The following ANKMY1 variants were observed in gnomAD, a reference collection of about 807,000 sequenced individuals.
ANKMY1 encodes ankyrin repeat and MYND domain containing 1.
In ANKMY1, 98 loss-of-function variants were observed where a neutral mutation model predicts 102.0. That is an observed-to-expected ratio of 0.96 (90% confidence interval 0.82 to 1.14). The LOEUF is 1.14. Among genes scored for constraint, ANKMY1 ranks in the 50% most tolerant of loss-of-function variants. The pLI is 0.00. For synonymous variants in ANKMY1, 582 were observed against 559.9 expected, an observed-to-expected ratio of 1.04 and a Z score of -0.56; for missense variants, 1,330 against 1,347.6, an observed-to-expected ratio of 0.99 and a Z score of 0.20.
At chr2:240,505,541 C>T (rs2078931625) in intron 13 of ANKMY1, among the ~76,000 whole-genome samples, 1 of 151,928 alleles carries the variant, frequency 6.6e-6, no homozygotes, top group South Asian at 2.1e-4. Flanking sequence ...CCCAGAAGAA[C>T]TGAAAGCAGG....
intron 10 of ANKMY1, among the ~76,000 whole-genome samples, 178 bp downstream of exon 10, chr2:240,512,624 G>A (rs1172332294): frequency 6.6e-6 from 1 of 152,208 alleles, no homozygotes; most frequent in African/African-American, 2.4e-5. Flanking sequence ...ATCAAAACAA[G>A]CCCACTGGCT....
At chr2:240,509,249 A>G in intron 12 of ANKMY1, 99 bp downstream of exon 12, 7 of 1,013,398 alleles carry the variant, frequency 6.9e-6, no homozygotes, top group Non-Finnish European at 1.0e-5. Context: ...GGATGGATAA[A>G]TGGCCAACAA....
At chr2:240,531,001 A>G (rs979231069) in intron 4 of ANKMY1, among the ~76,000 whole-genome samples, 1 of 152,226 alleles carries the variant, frequency 6.6e-6, no homozygotes, top group African/African-American at 2.4e-5. Flanking sequence ...TACTGGGATA[A>G]AATATTTATA....
At position 240,507,642 on chromosome 2, in the gene ANKMY1, G is replaced by T; in HGVS notation, c.2444C>A (p.Thr815Asn). 1 of 1,611,700 alleles carries T rather than the reference G, an allele frequency of 6.2e-7. No individual in the cohort carries two copies. Among genetic ancestry groups the T allele is most frequent in the Non-Finnish European group, 8.5e-7 (1 of 1,178,828 alleles). The change falls in exon 13 of 18, where the codon ACC (threonine) becomes AAC (asparagine). Residue 815 changes from threonine (T) to asparagine (N), a missense_variant. By Grantham distance (65) the Thr-to-Asn change is moderately conservative. Transcript: ENST00000401804. ...ACACAGGGCACTGCCCAAGCCTTTG[G>T]TCAGGGGCAGGTTGGGGTCAGCTCC... ...TQGADPNLPL[T>N]KGLGSALCVA...
intron 5 of ANKMY1, among the ~76,000 whole-genome samples, chr2:240,528,673 G>A (rs1474041538): frequency 6.6e-6 from 1 of 152,018 alleles, no homozygotes; most frequent in Non-Finnish European, 1.5e-5. Flanking sequence ...GGGCTCAGGA[G>A]ATTCTCCCCA....
chr2:240,506,909 C>A lies in ANKMY1; in HGVS notation c.2526+651G>T, dbSNP rs188382328. ...CTCAGGACAGAAGGTGTCTCCAGCGCGGGCAGGATTTCCCGACTGTGAGCT... is the reference window on the plus strand; with the variant it reads ...CTCAGGACAGAAGGTGTCTCCAGCGAGGGCAGGATTTCCCGACTGTGAGCT... On this transcript the variant is annotated intron_variant, in intron 13 of 17. Coordinates refer to ENST00000401804, the MANE Select transcript of ANKMY1 (RefSeq NM_001282771.3). The surrounding 1 kb of genome is among the most constrained non-coding windows in gnomAD (Gnocchi z 4.9). 1.1e-3 allele frequency among the ~76,000 whole-genome samples: 167 copies of A among 152,202 alleles called. 2 individuals are homozygous for A. Among genetic ancestry groups the A allele is most frequent in the African/African-American group, 2.6e-3 (106 of 41,526 alleles).
intron 15 of ANKMY1, among the ~76,000 whole-genome samples, chr2:240,495,118 G>C (rs541102126): frequency 6.6e-6 from 1 of 152,150 alleles, no homozygotes; most frequent in South Asian, 2.1e-4. Flanking sequence ...CCCGGACAGG[G>C]CCACCAGAGG....
At chr2:240,544,912 G>C (rs989935660) in intron 4 of ANKMY1, among the ~76,000 whole-genome samples, 5 of 152,210 alleles carry the variant, frequency 3.3e-5, no homozygotes, top group Non-Finnish European at 1.5e-5. Flanking sequence ...CAAACTGCAA[G>C]GCGGCAGCGA....
chr2:240,515,341 C>A (rs762211160), intron 9 of ANKMY1, among the ~76,000 whole-genome samples: 1 of 152,110 alleles, frequency 6.6e-6, no homozygotes, highest in African/African-American at 2.4e-5. Context: ...TCAAGACCAG[C>A]CTGGCCAACA....
At position 240,528,501 on chromosome 2, in the gene ANKMY1, A is replaced by T. The variant is rs114611087; in HGVS notation, c.953+536T>A. On this transcript the variant is annotated intron_variant, in intron 5 of 17. Coordinates refer to ENST00000401804, the MANE Select transcript of ANKMY1 (RefSeq NM_001282771.3). ...GCTCTCATGCAGATCCCTTACCACC[A>T]TATAACAGTAACAACAAACCCTGCT... Among the ~76,000 whole-genome samples the T allele has an allele frequency of 9.0e-3, 1,376 of 152,100 alleles. 10 individuals carry two copies. Among genetic ancestry groups the T allele is most frequent in the African/African-American group, 0.032 (1,310 of 41,498 alleles).
the ANKMY1 span, among the ~76,000 whole-genome samples, chr2:240,471,949 C>A: frequency 2.6e-5 from 4 of 152,160 alleles, no homozygotes; most frequent in African/African-American, 9.7e-5. Context: ...GTCCATCCCC[C>A]CTGAAGGCAG....
chr2:240,518,902 C>G (rs1162651725), intron 9 of ANKMY1, among the ~76,000 whole-genome samples: 1 of 152,112 alleles, frequency 6.6e-6, no homozygotes, highest in Non-Finnish European at 1.5e-5. Flanking sequence ...AGGCTGTGCA[C>G]TAAGGGGCCT....
chr2:240,497,767 G>C (rs908561762), intron 15 of ANKMY1, among the ~76,000 whole-genome samples: 3 of 152,226 alleles, frequency 2.0e-5, no homozygotes, highest in Non-Finnish European at 2.9e-5. Flanking sequence ...GATGAGGTGT[G>C]AAGCTCACTG....
At chr2:240,478,100 C>T (rs2074977086), downstream of ANKMY1, among the ~76,000 whole-genome samples, 1 of 152,166 alleles carries the variant, frequency 6.6e-6, no homozygotes, top group African/African-American at 2.4e-5. Context: ...AAGTGTGTGG[C>T]AGCCCCTCCC....
At chr2:240,484,879 A>C (rs2075861855) in intron 15 of ANKMY1, among the ~76,000 whole-genome samples, 1 of 152,224 alleles carries the variant, frequency 6.6e-6, no homozygotes, top group Non-Finnish European at 1.5e-5. Flanking sequence ...CCCCCTCAAA[A>C]AGTGGGCAAA....
chr2:240,540,268 T>C (rs2088346250), intron 4 of ANKMY1, among the ~76,000 whole-genome samples: 1 of 152,194 alleles, frequency 6.6e-6, no homozygotes, highest in Admixed American at 6.5e-5. Context: ...TTGTCTCCCT[T>C]AAACACATAA....
upstream of ANKMY1, among the ~76,000 whole-genome samples, chr2:240,559,326 A>C (rs1239574714): frequency 1.3e-5 from 2 of 152,182 alleles, no homozygotes; most frequent in African/African-American, 2.4e-5. Flanking sequence ...GTTTTGTTTG[A>C]TTCATTTCAG....
downstream of ANKMY1, chr2:240,479,360 G>A (rs1237280713): frequency 1.8e-6 from 1 of 566,552 alleles, no homozygotes; most frequent in African/African-American, 1.9e-5. Context: ...CAGGGGCAGA[G>A]GCAGGCACGG....
Position 240,506,384 on chromosome 2 carries a change from C to T in ANKMY1, c.2526+1176G>A, listed in dbSNP as rs905376626. Reference sequence around the variant, plus strand: ...CAGGTCCAGAAATGGTGCCGACTACCCACACACACTGTTTCATTCCATCCT... The same window carrying T: ...CAGGTCCAGAAATGGTGCCGACTACTCACACACACTGTTTCATTCCATCCT... On this transcript the variant is annotated intron_variant, in intron 13 of 17. Coordinates refer to ENST00000401804, the MANE Select transcript of ANKMY1 (RefSeq NM_001282771.3). This position sits in a 1 kb window ranked among gnomAD's most constrained non-coding sequence, Gnocchi z 4.9. Among the ~76,000 whole-genome samples the T allele has an allele frequency of 1.3e-5, 2 of 152,158 alleles. No homozygotes were observed. The highest frequency in any genetic ancestry group is 4.8e-5 in the African/African-American group (2 of 41,434).
Sources: gnomAD v4.1 joint callset for allele counts (sites outside exome capture counted in the v4.1 genomes callset) on GRCh38, gnomAD v4.1.1 for gene constraint, Gnocchi (gnomAD v3.1) non-coding constraint, MANE v1.5 for transcripts, NCBI Gene and HGNC (gene_info 2026-07-23, HGNC 2026-07-21) for gene names.